The following ADK variants were observed in gnomAD, a reference collection of about 807,000 sequenced individuals.
ADK encodes adenosine kinase.
A neutral mutation model predicts 44.7 loss-of-function variants in ADK; 24 were observed. The observed-to-expected ratio is 0.54, with a 90% CI of 0.39 to 0.76. The LOEUF is 0.76. ADK is among the 30% of genes least tolerant of loss of function. The probability of loss-of-function intolerance (pLI) is 0.00; values close to 1 mark genes in which losing one functional copy is unlikely to be tolerated. For synonymous variants in ADK, 128 were observed against 142.6 expected (o/e 0.90, Z 0.73); for missense variants, 321 against 425.1 (o/e 0.76, Z 2.15).
chr10:74,457,854 C>A (rs910122533), intron 6 of ADK, among the ~76,000 whole-genome samples: 43 of 152,128 alleles, frequency 2.8e-4, no homozygotes, highest in African/African-American at 8.0e-4. Flanking sequence ...GCATCACATA[C>A]TGGGGCCTGT....
At chr10:74,228,676 G>A (rs1844638522) in intron 3 of ADK, among the ~76,000 whole-genome samples, 1 of 152,080 alleles carries the variant, frequency 6.6e-6, no homozygotes, top group Non-Finnish European at 1.5e-5. Context: ...GGACACATCT[G>A]CAGTTATTGA....
At chr10:74,658,078 A>G (rs536556435) in intron 9 of ADK, among the ~76,000 whole-genome samples, 2 of 152,346 alleles carry the variant, frequency 1.3e-5, no homozygotes, top group Non-Finnish European at 2.9e-5. Flanking sequence ...AGTTTGAACA[A>G]TAGGCTGGAT....
At chr10:74,396,845 AC>A (rs1843533312) in intron 5 of ADK, among the ~76,000 whole-genome samples, 1 of 152,026 alleles carries the variant, frequency 6.6e-6, no homozygotes, top group Non-Finnish European at 1.5e-5. Context: ...AATCCCAGCT[AC>A]TTGGGAGACT....
At chr10:74,160,781 A>G (rs932256938) in intron 1 of ADK, among the ~76,000 whole-genome samples, 3 of 72,566 alleles carry the variant, frequency 4.1e-5, no homozygotes, top group Non-Finnish European at 1.1e-4. Flanking sequence ...TTGTTCGTAT[A>G]TGGGGGGAAA....
At chr10:74,194,767 T>C (rs889909149) in intron 1 of ADK, among the ~76,000 whole-genome samples, 7 of 152,166 alleles carry the variant, frequency 4.6e-5, no homozygotes, top group Non-Finnish European at 5.9e-5. Flanking sequence ...ATGGGGCTAG[T>C]TGACGTAGAG....
chr10:74,218,131 A>G (rs1428851393), intron 2 of ADK, among the ~76,000 whole-genome samples: 5 of 152,322 alleles, frequency 3.3e-5, no homozygotes, highest in African/African-American at 9.6e-5. Flanking sequence ...AAAAAATTTA[A>G]ACGAATGTAT....
intron 9 of ADK, among the ~76,000 whole-genome samples, chr10:74,637,303 A>G (rs899133393): frequency 2.6e-5 from 4 of 152,150 alleles, no homozygotes; most frequent in African/African-American, 9.7e-5. Context: ...AGTTTTTTTC[A>G]AAAATGACAA....
At chr10:74,342,612 A>G (rs762191028) in intron 4 of ADK, among the ~76,000 whole-genome samples, 88 of 152,116 alleles carry the variant, frequency 5.8e-4, no homozygotes, top group Middle Eastern at 3.4e-3. Context: ...AGCTGAGACC[A>G]CTAGACATGC....
At chr10:74,514,893 C>T (rs1848501088) in intron 6 of ADK, among the ~76,000 whole-genome samples, 2 of 152,006 alleles carry the variant, frequency 1.3e-5, no homozygotes. Context: ...GGCACAATCT[C>T]GGCTCACTGC....
intron 9 of ADK, among the ~76,000 whole-genome samples, chr10:74,614,996 A>C (rs1210106122): frequency 6.6e-6 from 1 of 152,176 alleles, no homozygotes; most frequent in Non-Finnish European, 1.5e-5. Flanking sequence ...ATTTTATTTC[A>C]GTCCAGCAGC....
At chr10:74,568,631 G>A (rs1850789774) in intron 7 of ADK, among the ~76,000 whole-genome samples, 1 of 148,462 alleles carries the variant, frequency 6.7e-6, no homozygotes, top group Non-Finnish European at 1.5e-5. Flanking sequence ...CCATTTCTAT[G>A]GTTATTTCTT....
chr10:74,499,411 G>A (rs982600057), intron 6 of ADK, among the ~76,000 whole-genome samples: 12 of 151,996 alleles, frequency 7.9e-5, no homozygotes, highest in Admixed American at 3.9e-4. Flanking sequence ...ATTTTTGGCC[G>A]GGCACAATGG....
At chr10:74,398,607 A>G (rs753613285) in intron 6 of ADK, 28 bp downstream of exon 6, 6 of 1,310,632 alleles carry the variant, frequency 4.6e-6, no homozygotes, top group African/African-American at 4.3e-5. Context: ...TCAAATCTCT[A>G]GTACATATTT....
intron 6 of ADK, among the ~76,000 whole-genome samples, chr10:74,407,763 T>C (rs115783392): frequency 7.1e-4 from 108 of 152,332 alleles, no homozygotes; most frequent in Middle Eastern, 3.4e-3. Flanking sequence ...ATTCAAGGTG[T>C]AAGTTTGAGT....
At position 74,339,019 on chromosome 10, in the gene ADK, C is replaced by G. The variant is rs146651197; in HGVS notation, c.273+24274C>G. Among the ~76,000 whole-genome samples the G allele has an allele frequency of 2.2e-3, 333 of 152,324 alleles. 2 individuals carry two copies. The highest frequency in any genetic ancestry group is 7.6e-3 in the African/African-American group (315 of 41,564). ...CCAGGCTGGAGTGCAGTGGCACAAT[C>G]ATAGCTCACTGTAGCCTCAAACACC... is the stretch of plus-strand genomic sequence containing the variant. On this transcript the variant is annotated intron_variant, in intron 4 of 10. Coordinates refer to ENST00000539909, the MANE Select transcript of ADK (RefSeq NM_006721.4).
At chr10:74,364,663 CCTTTAT>C (rs1426366469) in intron 4 of ADK, among the ~76,000 whole-genome samples, 4 of 148,144 alleles carry the variant, frequency 2.7e-5, no homozygotes, top group Admixed American at 1.4e-4. Flanking sequence ...CCTTTCCTTT[CCTTTAT>C]CTTTAGGCAA....
intron 9 of ADK, among the ~76,000 whole-genome samples, chr10:74,668,976 A>C (rs1855071651): frequency 6.6e-6 from 1 of 150,754 alleles, no homozygotes; most frequent in Admixed American, 6.6e-5. Flanking sequence ...CCAGGAGGTC[A>C]AGGTTGGAGT....
intron 10 of ADK, among the ~76,000 whole-genome samples, chr10:74,683,053 C>T (rs1423407750): frequency 6.6e-6 from 1 of 152,156 alleles, no homozygotes; most frequent in Admixed American, 6.5e-5. Context: ...GAAGTCAAAA[C>T]AAAATTTTAC....
At chr10:74,422,077 G>A (rs765578089) in intron 6 of ADK, among the ~76,000 whole-genome samples, 4 of 152,236 alleles carry the variant, frequency 2.6e-5, no homozygotes, top group East Asian at 1.9e-4. Context: ...GGAAGACAGC[G>A]AAATACTGAC....
Sources: gnomAD v4.1 joint callset for allele counts (sites outside exome capture counted in the v4.1 genomes callset) on GRCh38, gnomAD v4.1.1 for gene constraint, MANE v1.5 for transcripts, NCBI Gene and HGNC (gene_info 2026-07-23, HGNC 2026-07-21) for gene names.